ZNF521: variants seen among roughly 807,000 people sequenced by gnomAD.
ZNF521 encodes LYST-interacting protein 3.
ZNF521 carries 14 observed loss-of-function variants against 105.5 expected under a neutral mutation model. The observed-to-expected ratio is 0.13, with a 90% CI of 0.09 to 0.21. The LOEUF (loss-of-function observed/expected upper bound fraction) is 0.21. Ranked by LOEUF, ZNF521 falls within the 10% of genes least tolerant of loss-of-function variation. The probability of loss-of-function intolerance (pLI) is 1.00; values close to 1 mark genes in which losing one functional copy is unlikely to be tolerated. For synonymous variants in ZNF521, 635 were observed against 606.0 expected (o/e 1.05, Z -0.70); for missense variants, 1,233 against 1,629.7 (o/e 0.76, Z 4.19).
At chr18:25,326,145 A>G (rs1913205531) in intron 2 of ZNF521, among the ~76,000 whole-genome samples, 1 of 152,206 alleles carries the variant, frequency 6.6e-6, no homozygotes, top group Non-Finnish European at 1.5e-5. Flanking sequence ...ATAAAAGTCA[A>G]GTAAAAGTAA....
intron 5 of ZNF521, among the ~76,000 whole-genome samples, chr18:25,175,407 T>A (rs1382723717): frequency 6.6e-6 from 1 of 152,200 alleles, no homozygotes; most frequent in Non-Finnish European, 1.5e-5. Flanking sequence ...TATTTATACA[T>A]CATTGGGGTT....
intron 3 of ZNF521, among the ~76,000 whole-genome samples, chr18:25,294,515 C>T (rs537780908): frequency 6.6e-6 from 1 of 152,252 alleles, no homozygotes; most frequent in African/African-American, 2.4e-5. Context: ...CGAAAATGTA[C>T]ATGGCAAACC....
rs568166513 is a variant in ZNF521 at position 25,295,207 on chromosome 18, G to T, written c.220+26801C>A. 7.6e-4 allele frequency among the ~76,000 whole-genome samples: 115 copies of T among 152,144 alleles called. 1 individual carries two copies. Among genetic ancestry groups the T allele is most frequent in the African/African-American group, 2.4e-3 (101 of 41,500 alleles). On this transcript the variant is annotated intron_variant, in intron 3 of 7. Transcript: ENST00000361524. The stretch of plus-strand genomic sequence containing the variant: ...ACACCTATGTATACAACCCTAGACA[G>T]TATAATTTAGTTTTGCCTAGTTTTG...
chr18:25,105,897 C>CA (rs986299336), intron 5 of ZNF521, among the ~76,000 whole-genome samples: 1 of 152,136 alleles, frequency 6.6e-6, no homozygotes, highest in African/African-American at 2.4e-5. Context: ...AGGCAGTGAA[C>CA]AGCAATAAAG....
chr18:25,240,220 T>C (rs1907214403), intron 3 of ZNF521, among the ~76,000 whole-genome samples: 2 of 152,092 alleles, frequency 1.3e-5, no homozygotes, highest in South Asian at 4.1e-4. Context: ...ATCTCCCCCA[T>C]CAGAGTAAGA....
intron 3 of ZNF521, among the ~76,000 whole-genome samples, chr18:25,233,128 C>A (rs1208919184): frequency 1.3e-5 from 2 of 152,014 alleles, no homozygotes; most frequent in Non-Finnish European, 2.9e-5. Context: ...ACTTCAATGC[C>A]AACACAGTAA....
chr18:25,340,980 A>G (rs1914167626), intron 2 of ZNF521, among the ~76,000 whole-genome samples: 3 of 152,184 alleles, frequency 2.0e-5, no homozygotes, highest in Admixed American at 2.0e-4. Flanking sequence ...AGTTATGTAA[A>G]TGACCTATAT....
intron 5 of ZNF521, among the ~76,000 whole-genome samples, chr18:25,134,041 T>C (rs2034688024): frequency 6.6e-6 from 1 of 152,150 alleles, no homozygotes; most frequent in Admixed American, 6.6e-5. Context: ...CTACACTCTT[T>C]TGGTGACAGC....
At chr18:25,242,073 T>A (rs542401735) in intron 3 of ZNF521, among the ~76,000 whole-genome samples, 3 of 152,346 alleles carry the variant, frequency 2.0e-5, no homozygotes, top group Middle Eastern at 3.4e-3. Flanking sequence ...ATTTTATTTC[T>A]CAGTATGGTA....
intron 2 of ZNF521, among the ~76,000 whole-genome samples, chr18:25,340,950 A>T (rs8091240): frequency 6.6e-6 from 1 of 152,214 alleles, no homozygotes; most frequent in Non-Finnish European, 1.5e-5. Context: ...AAGATTAAAA[A>T]TTTGGTATAA....
intron 3 of ZNF521, among the ~76,000 whole-genome samples, chr18:25,290,805 C>T (rs1910973702): frequency 6.6e-6 from 1 of 151,736 alleles, no homozygotes; most frequent in Admixed American, 6.6e-5. Flanking sequence ...GAGACCCACC[C>T]AGCCACCCAA....
chr18:25,193,966 T>C (rs558674415), intron 5 of ZNF521, among the ~76,000 whole-genome samples: 1 of 151,090 alleles, frequency 6.6e-6, no homozygotes, highest in African/African-American at 2.4e-5. Flanking sequence ...TATTGAAAAA[T>C]TATCAATCAA....
At chr18:25,144,169 C>A (rs1418692664) in intron 5 of ZNF521, among the ~76,000 whole-genome samples, 1 of 152,164 alleles carries the variant, frequency 6.6e-6, no homozygotes, top group African/African-American at 2.4e-5. Context: ...CAGCAAGCTG[C>A]CTTCACAGTG....
chr18:25,146,381 C>T (rs2034943466), intron 5 of ZNF521, among the ~76,000 whole-genome samples: 1 of 152,048 alleles, frequency 6.6e-6, no homozygotes, highest in South Asian at 2.1e-4. Flanking sequence ...GTCATATAAG[C>T]AATTTATAAA....
rs539126804 is a variant in ZNF521 at position 25,341,095 on chromosome 18, G to C, written c.40+9812C>G. Among the ~76,000 whole-genome samples, 3 of 152,082 alleles carry C rather than the reference G, an allele frequency of 2.0e-5. No homozygotes were observed. In the South Asian group the frequency reaches 6.2e-4, roughly 32 times the overall value. On this transcript the variant is annotated intron_variant, in intron 2 of 7. Coordinates refer to ENST00000361524, the MANE Select transcript of ZNF521 (RefSeq NM_015461.3). ...TTCCAGTGCTCACATCTTTGAACAC[G>C]AAGACCATCAAGACACCCAATATCA...
At position 25,344,386 on chromosome 18, in the gene ZNF521, T is replaced by C. The variant is rs549420527; in HGVS notation, c.40+6521A>G. On this transcript the variant is annotated intron_variant, in intron 2 of 7. Transcript: ENST00000361524. The stretch of plus-strand genomic sequence containing the variant: ...GTTAACTTTAATGTTTAAGTTTTAA[T>C]TGCTTTGTAATAACACTGTTGCAGA... 2.6e-5 allele frequency among the ~76,000 whole-genome samples: 4 copies of C among 152,342 alleles called. No individual in the cohort carries two copies. In the East Asian group the frequency reaches 7.7e-4, roughly 29 times the overall value.
chr18:25,322,368 G>T (rs1912977902), intron 2 of ZNF521, 181 bp from the exon 3 acceptor site: 1 of 750,102 alleles, frequency 1.3e-6, no homozygotes, highest in African/African-American at 1.7e-5. Flanking sequence ...TATTCAGTTA[G>T]TGACTATCAA....
chr18:25,254,588 T>C (rs1194849623), intron 3 of ZNF521, among the ~76,000 whole-genome samples: 1 of 152,128 alleles, frequency 6.6e-6, no homozygotes, highest in African/African-American at 2.4e-5. Flanking sequence ...AGGTAGCTTC[T>C]ATAAACCCAA....
intron 3 of ZNF521, among the ~76,000 whole-genome samples, chr18:25,237,436 G>C (rs191406625): frequency 2.9e-4 from 44 of 151,816 alleles, no homozygotes; most frequent in Non-Finnish European, 7.4e-5. Flanking sequence ...TTATATATAT[G>C]TGTCTATATA....
Sources: gnomAD v4.1 joint callset for allele counts (sites outside exome capture counted in the v4.1 genomes callset) on GRCh38, gnomAD v4.1.1 for gene constraint, MANE v1.5 for transcripts, NCBI Gene and HGNC (gene_info 2026-07-23, HGNC 2026-07-21) for gene names.